EMSY: variants seen among roughly 807,000 people sequenced by gnomAD.
EMSY encodes BRCA2-interacting transcriptional repressor EMSY.
Under a neutral mutation model 134.6 loss-of-function variants are expected in EMSY, and 26 were observed. The ratio of observed to expected loss-of-function variants is 0.19; its 90% confidence interval spans 0.14 to 0.27. The LOEUF is 0.27. Ranked by LOEUF, EMSY falls within the 10% of genes least tolerant of loss-of-function variation. The pLI is 1.00. For missense variants in EMSY, 1,305 were observed against 1,611.4 expected (o/e 0.81, Z 3.26); for synonymous variants, 579 against 577.8 (o/e 1.00, Z -0.03).
chr11:76,466,651 A>G (rs1461312597), intron 7 of EMSY, among the ~76,000 whole-genome samples: 1 of 152,170 alleles, frequency 6.6e-6, no homozygotes, highest in East Asian at 1.9e-4. Flanking sequence ...TATATAATAT[A>G]TTAAAAATTA....
exon 15 of EMSY, chr11:76,536,004 A>G (rs756552034): frequency 1.1e-5 from 17 of 1,601,350 alleles, no homozygotes; most frequent in Non-Finnish European, 1.4e-5. Flanking sequence ...TATCCAGTGA[A>G]TCACAATCAG....
intron 17 of EMSY, 182 bp from the exon 19 acceptor site, chr11:76,542,029 GAAGAT>G: frequency 1.5e-6 from 1 of 673,830 alleles, no homozygotes; most frequent in South Asian, 1.8e-5. Context: ...CAGTCTCAGA[GAAGAT>G]AAGAGACTTT....
chr11:76,451,978 G>A (rs1464020597), intron 3 of EMSY, 21 bp downstream of exon 3: 1 of 1,435,366 alleles, frequency 7.0e-7, no homozygotes, highest in Non-Finnish European at 9.4e-7. Context: ...GTAAATGTTT[G>A]TGAGACTCTA....
At chr11:76,533,655 G>A (rs1277319829) in intron 14 of EMSY, among the ~76,000 whole-genome samples, 1 of 152,192 alleles carries the variant, frequency 6.6e-6, no homozygotes, top group Non-Finnish European at 1.5e-5. Context: ...CTTCCATAGA[G>A]ATGTCTGAGT....
chr11:76,462,028 G>A (rs576273698), intron 6 of EMSY, among the ~76,000 whole-genome samples: 2 of 151,992 alleles, frequency 1.3e-5, no homozygotes, highest in South Asian at 4.2e-4. Flanking sequence ...CCTGAGGTCA[G>A]GAGTTTGAGA....
intron 14 of EMSY, 100 bp downstream of exon 15, chr11:76,528,566 T>A: frequency 1.4e-6 from 1 of 732,104 alleles, no homozygotes; most frequent in Non-Finnish European, 2.1e-6. Context: ...CAAATTTGTA[T>A]GCTCTATCAA....
intron 9 of EMSY, among the ~76,000 whole-genome samples, chr11:76,501,151 AT>A (rs1949843554): frequency 6.6e-6 from 1 of 152,132 alleles, no homozygotes; most frequent in African/African-American, 2.4e-5. Flanking sequence ...TTGTATTATT[AT>A]TTTTGTTGTC....
intron 3 of EMSY, 119 bp from the exon 4 acceptor site, chr11:76,453,195 T>G: frequency 1.3e-6 from 1 of 784,292 alleles, no homozygotes; most frequent in Non-Finnish European, 2.1e-6. Flanking sequence ...TGTCTATATC[T>G]TTTCACAAAG....
intron 8 of EMSY, among the ~76,000 whole-genome samples, chr11:76,483,311 A>AAAGACC (rs1486977309): frequency 6.6e-6 from 1 of 152,252 alleles, no homozygotes; most frequent in East Asian, 1.9e-4. Flanking sequence ...ACCAAATTGT[A>AAAGACC]AAGACCATTG....
chr11:76,505,611 A>T (rs1950044041), intron 9 of EMSY, among the ~76,000 whole-genome samples: 1 of 152,062 alleles, frequency 6.6e-6, no homozygotes, highest in South Asian at 2.1e-4. Flanking sequence ...TAATCCCAGC[A>T]CCTTGGGAGG....
At chr11:76,463,271 T>G (rs1322104074) in intron 6 of EMSY, among the ~76,000 whole-genome samples, 1 of 151,478 alleles carries the variant, frequency 6.6e-6, no homozygotes, top group East Asian at 1.9e-4. Flanking sequence ...TGCAGTGAGC[T>G]GAGATCACAC....
chr11:76,451,245 G>A (rs948984840), intron 2 of EMSY, among the ~76,000 whole-genome samples: 4 of 152,272 alleles, frequency 2.6e-5, no homozygotes, highest in Admixed American at 2.0e-4. Flanking sequence ...AGTTTTTATA[G>A]ATGCGGAGGA....
intron 20 of EMSY, 39 bp downstream of exon 21, chr11:76,546,336 T>G: frequency 6.4e-7 from 1 of 1,566,428 alleles, no homozygotes; most frequent in Non-Finnish European, 8.6e-7. Context: ...TTGTGCATCT[T>G]GGGGGTTGTG....
chr11:76,516,527 C>A (rs1188557892), intron 11 of EMSY: 9 of 326,054 alleles, frequency 2.8e-5, no homozygotes, highest in Middle Eastern at 8.5e-4. Flanking sequence ...ATGGAAAGAA[C>A]CTTTAGTTGC....
chr11:76,544,589 C>T (rs2136763137), exon 19 of EMSY: 1 of 1,614,114 alleles, frequency 6.2e-7, no homozygotes, highest in Non-Finnish European at 8.5e-7. Context: ...ACAAGCACAG[C>T]CCAAGCCAGA....
intron 8 of EMSY, among the ~76,000 whole-genome samples, chr11:76,483,011 G>A (rs968967461): frequency 2.6e-5 from 4 of 152,122 alleles, no homozygotes; most frequent in Non-Finnish European, 5.9e-5. Context: ...AGAAAGGTAG[G>A]GTTACCCACA....
chr11:76,485,156 C>G (rs1179860595), intron 8 of EMSY, among the ~76,000 whole-genome samples: 2 of 152,118 alleles, frequency 1.3e-5, no homozygotes, highest in Non-Finnish European at 2.9e-5. Flanking sequence ...TGAAACTATT[C>G]CAAGCAATAG....
chr11:76,479,186 T>A (rs1032420200), intron 8 of EMSY, among the ~76,000 whole-genome samples: 1 of 152,186 alleles, frequency 6.6e-6, no homozygotes, highest in Non-Finnish European at 1.5e-5. Flanking sequence ...TCATCCCTAA[T>A]CCGAAAATCT....
exon 8 of EMSY, chr11:76,472,794 T>C (rs1447960197): frequency 2.5e-6 from 4 of 1,614,062 alleles, no homozygotes; most frequent in African/African-American, 1.3e-5. Context: ...CAGTAACAGC[T>C]GTGGTGTCCT....
Sources: allele counts gnomAD v4.1 joint callset (sites outside exome capture counted in the v4.1 genomes callset), GRCh38; gene constraint gnomAD v4.1.1; transcripts MANE v1.5; gene names NCBI Gene and HGNC (gene_info 2026-07-23, HGNC 2026-07-21).